CSTA: variants seen among roughly 807,000 people sequenced by gnomAD.
The protein encoded by CSTA is cystatin A.
A neutral mutation model predicts 9.2 loss-of-function variants in CSTA; 9 were observed. The ratio of observed to expected loss-of-function variants is 0.97; its 90% CI spans 0.59 to 1.70. The LOEUF (loss-of-function observed/expected upper bound fraction) is 1.70. Among genes scored for constraint, CSTA ranks in the 40% most tolerant of loss-of-function variants. The probability of loss-of-function intolerance (pLI) is 0.00; values close to 1 mark genes in which losing one functional copy is unlikely to be tolerated. For missense variants in CSTA, 118 were observed against 113.1 expected (o/e 1.04, Z -0.20); for synonymous variants, 36 against 40.6 (o/e 0.89, Z 0.43).
chr3:122,330,206 C>G (rs2075196281), intron 1 of CSTA, among the ~76,000 whole-genome samples: 1 of 152,210 alleles, frequency 6.6e-6, no homozygotes, highest in Admixed American at 6.5e-5. Context: ...CTGTCACTTA[C>G]TTGCTAGTTT....
At chr3:122,328,289 T>C (rs1323864331) in intron 1 of CSTA, among the ~76,000 whole-genome samples, 1 of 151,864 alleles carries the variant, frequency 6.6e-6, no homozygotes, top group Non-Finnish European at 1.5e-5. Context: ...TCACATGAGG[T>C]CAGGAGTTCG....
In CSTA at chr3:122,334,922, A is replaced by G. The variant is rs1246556812; in HGVS notation, c.67-2625A>G. ...CACCAAAAAGTCGTAGCCAGGAGTAAGGTCTCAGACCAAAAGCAAGAGGAC... is the reference window on the plus strand; with the variant it reads ...CACCAAAAAGTCGTAGCCAGGAGTAGGGTCTCAGACCAAAAGCAAGAGGAC... On this transcript the variant is annotated intron_variant, in intron 1 of 2. Coordinates refer to ENST00000264474, the MANE Select transcript of CSTA (RefSeq NM_005213.4). 2.0e-5 allele frequency among the ~76,000 whole-genome samples: 3 copies of G among 152,336 alleles called. No individual in the cohort carries two copies. The East Asian group carries it at 5.8e-4, about 29-fold the overall frequency.
intron 2 of CSTA, among the ~76,000 whole-genome samples, chr3:122,338,507 A>C (rs1245762206): frequency 6.6e-6 from 1 of 152,006 alleles, no homozygotes; most frequent in Non-Finnish European, 1.5e-5. Flanking sequence ...AGCAAAAAAA[A>C]AAAAAAAAGT....
At chr3:122,328,824 C>G (rs1378096008) in intron 1 of CSTA, among the ~76,000 whole-genome samples, 1 of 150,884 alleles carries the variant, frequency 6.6e-6, no homozygotes, top group African/African-American at 2.4e-5. Flanking sequence ...GCCTGTAGTC[C>G]CAGCTACTCA....
chr3:122,333,559 GAAAGA>G (rs2075217515), intron 1 of CSTA, among the ~76,000 whole-genome samples: 8 of 119,180 alleles, frequency 6.7e-5, no homozygotes, highest in Admixed American at 6.2e-4. Context: ...AAGAAAGAAA[GAAAGA>G]AAGAAAGAAA....
At chr3:122,333,540 G>GAAGAAAGAAGGAAAGAAAGAAAGAAAGA (rs2075216490) in intron 1 of CSTA, among the ~76,000 whole-genome samples, 1 of 112,078 alleles carries the variant, frequency 8.9e-6, no homozygotes, top group Non-Finnish European at 1.8e-5. Flanking sequence ...AGAAAAGAAA[G>GAAGAAAGAAGGAAAGAAAGAAAGAAAGA]AAGAAAGAAA....
chr3:122,337,305 G>A lies in CSTA; in HGVS notation c.67-242G>A, dbSNP rs183170987. On this transcript the variant is annotated intron_variant, in intron 1 of 2. Coordinates refer to ENST00000264474, the MANE Select transcript of CSTA (RefSeq NM_005213.4). ...CTCTTAGAGTTTTAGCAGTCAAAAC[G>A]CTCCTATATTGCATTACCACACTGA... Among the ~76,000 whole-genome samples, 586 of 152,168 alleles carry A rather than the reference G, an allele frequency of 3.9e-3. 6 individuals carry two copies. Among genetic ancestry groups the A allele is most frequent in the African/African-American group, 0.013 (560 of 41,530 alleles).
chr3:122,340,918 G>C (rs1445181739), intron 2 of CSTA, among the ~76,000 whole-genome samples: 1 of 149,280 alleles, frequency 6.7e-6, no homozygotes, highest in East Asian at 2.0e-4. Flanking sequence ...TAGGACCTAT[G>C]CCTCTTGCCA....
chr3:122,330,651 C>T (rs537946742), intron 1 of CSTA, among the ~76,000 whole-genome samples: 4 of 152,296 alleles, frequency 2.6e-5, no homozygotes, highest in South Asian at 2.1e-4. Flanking sequence ...CAAGATTCTC[C>T]GTATTAGCTG....
intron 1 of CSTA, among the ~76,000 whole-genome samples, chr3:122,334,946 A>G (rs543810807): frequency 1.3e-5 from 2 of 152,250 alleles, no homozygotes; most frequent in East Asian, 3.9e-4. Context: ...AAGCAAGAGG[A>G]CTGATCTGTA....
intron 1 of CSTA, among the ~76,000 whole-genome samples, chr3:122,333,372 G>A (rs2075215087): frequency 1.3e-5 from 2 of 152,024 alleles, no homozygotes; most frequent in South Asian, 4.2e-4. Context: ...TTAGCTGGGA[G>A]TGGTGGCAGA....
At chr3:122,341,969 AGTGTGT>A (rs35225251), downstream of CSTA, 30 of 198,248 alleles carry the variant, frequency 1.5e-4, no homozygotes, top group African/African-American at 3.9e-4. Context: ...TATTTTACAA[AGTGTGT>A]GTGTGTGTGT....
intron 1 of CSTA, among the ~76,000 whole-genome samples, chr3:122,327,552 A>G (rs1259498129): frequency 6.6e-6 from 1 of 150,550 alleles, no homozygotes; most frequent in Non-Finnish European, 1.5e-5. Flanking sequence ...AAAAAAAAAA[A>G]GTCAGGGTGC....
chr3:122,337,568 A>G lies in CSTA; in HGVS notation c.88A>G (p.Lys30Glu). The G allele has an allele frequency of 6.2e-7, 1 of 1,612,676 alleles. No individual in the cohort carries two copies. Among genetic ancestry groups the G allele is most frequent in the Non-Finnish European group, 8.5e-7 (1 of 1,178,732 alleles). ...VDKVKPQLEE[K>E]TNETYGKLEA... ...TTAGGTTAAACCACAGCTTGAAGAAAAAACAAATGAGACTTACGGAAAATT... is the reference window on the plus strand; with the variant it reads ...TTAGGTTAAACCACAGCTTGAAGAAGAAACAAATGAGACTTACGGAAAATT... The change falls in exon 2 of 3, where the codon AAA (lysine) becomes GAA (glutamate). Residue 30 changes from lysine to glutamate, a missense_variant. Transcript: ENST00000264474.
At chr3:122,332,676 C>A (rs2075211233) in intron 1 of CSTA, among the ~76,000 whole-genome samples, 1 of 152,178 alleles carries the variant, frequency 6.6e-6, no homozygotes, top group Non-Finnish European at 1.5e-5. Flanking sequence ...ATACCAGGTG[C>A]TTCTCCCTGG....
chr3:122,331,178 A>G (rs2075202989), intron 1 of CSTA, among the ~76,000 whole-genome samples: 1 of 151,468 alleles, frequency 6.6e-6, no homozygotes, highest in African/African-American at 2.4e-5. Flanking sequence ...GCTGAATACT[A>G]TTCCTGGCCA....
chr3:122,329,745 A>G lies in CSTA; in HGVS notation c.66+4387A>G, dbSNP rs1394567877. ...GTTTACAGGGTAGTTGGGAAAATCG[A>G]GATATCTGGAACATAATATAAAACA... is the stretch of plus-strand genomic sequence containing the variant. On this transcript the variant is annotated intron_variant, in intron 1 of 2. Transcript: ENST00000264474. Among the ~76,000 whole-genome samples, 3 of 152,206 alleles carry G rather than the reference A, an allele frequency of 2.0e-5. No homozygotes were observed. In the East Asian group the frequency reaches 5.8e-4, roughly 29 times the overall value.
intron 1 of CSTA, among the ~76,000 whole-genome samples, chr3:122,328,922 C>T (rs531377891): frequency 3.6e-4 from 54 of 151,026 alleles, no homozygotes; most frequent in Non-Finnish European, 6.0e-4. Flanking sequence ...GCCTGGATGA[C>T]AGAGCGAGAC....
chr3:122,330,913 G>A (rs933538066), intron 1 of CSTA, among the ~76,000 whole-genome samples: 2 of 152,026 alleles, frequency 1.3e-5, no homozygotes, highest in African/African-American at 2.4e-5. Context: ...TCTGTATAAC[G>A]AAGAACCAAA....
Sources: allele counts gnomAD v4.1 joint callset (sites outside exome capture counted in the v4.1 genomes callset), GRCh38; gene constraint gnomAD v4.1.1; transcripts MANE v1.5; gene names NCBI Gene and HGNC (gene_info 2026-07-23, HGNC 2026-07-21).